The following ALDH1A2 variants were observed in gnomAD, a reference collection of about 807,000 sequenced individuals.
The protein encoded by ALDH1A2 is aldehyde dehydrogenase 1 family member A2, also known as retinal dehydrogenase 2.
In ALDH1A2, 27 loss-of-function variants were observed where a neutral mutation model predicts 60.3. That is an observed-to-expected ratio of 0.45 (90% CI 0.33 to 0.62). ALDH1A2 has a LOEUF of 0.62. Ranked by LOEUF, ALDH1A2 falls within the 20% of genes least tolerant of loss-of-function variation. The pLI is 0.02. For missense variants in ALDH1A2, 581 were observed against 643.8 expected, an observed-to-expected ratio of 0.90 and a Z score of 1.06; for synonymous variants, 289 against 232.4, an observed-to-expected ratio of 1.24 and a Z score of -2.21.
rs553956947 is a variant in ALDH1A2, at chr15:58,028,236, G to A, written c.118-13955C>T. Among the ~76,000 whole-genome samples, 43 of 152,214 alleles carry A rather than the reference G, an allele frequency of 2.8e-4. No individual in the cohort carries two copies. The South Asian group carries it at 5.4e-3, about 19-fold the overall frequency. On this transcript the variant is annotated intron_variant, in intron 1 of 12. Transcript: ENST00000249750. Reference sequence around the variant, plus strand: ...GCTCTAAAAGCCAGAAGAGAGTGGGGGCCAATATTCAACATTCTTAAAGAA... The same window carrying A: ...GCTCTAAAAGCCAGAAGAGAGTGGGAGCCAATATTCAACATTCTTAAAGAA...
chr15:58,030,023 T>C (rs1896190023), intron 1 of ALDH1A2, among the ~76,000 whole-genome samples: 1 of 152,192 alleles, frequency 6.6e-6, no homozygotes. Flanking sequence ...GAGGGAATCC[T>C]CCCTAACTCA....
At chr15:58,043,474 C>A (rs1896566989) in intron 1 of ALDH1A2, among the ~76,000 whole-genome samples, 2 of 151,960 alleles carry the variant, frequency 1.3e-5, no homozygotes, top group Non-Finnish European at 2.9e-5. Context: ...TGTTCCTTCT[C>A]TAAAGAGTGT....
intron 1 of ALDH1A2, among the ~76,000 whole-genome samples, chr15:58,043,335 C>T (rs1896563112): frequency 6.6e-6 from 1 of 151,984 alleles, no homozygotes; most frequent in Non-Finnish European, 1.5e-5. Flanking sequence ...AAATCTATTG[C>T]CATCCCTTAC....
At chr15:58,036,263 A>C (rs1896375020) in intron 1 of ALDH1A2, among the ~76,000 whole-genome samples, 1 of 151,632 alleles carries the variant, frequency 6.6e-6, no homozygotes, top group African/African-American at 2.4e-5. Flanking sequence ...ACTATCAACA[A>C]ATCACTGGAA....
chr15:57,980,059 G>A, intron 7 of ALDH1A2: 1 of 314,738 alleles, frequency 3.2e-6, no homozygotes, highest in Admixed American at 3.5e-5. Context: ...GGGGCAGGAT[G>A]TGATTCTTGG....
intron 3 of ALDH1A2, 90 bp from the exon 4 acceptor site, chr15:58,010,868 G>A: frequency 6.7e-7 from 1 of 1,501,860 alleles, no homozygotes; most frequent in East Asian, 2.3e-5. Flanking sequence ...GGAAGAGAGA[G>A]AATACAAATG....
intron 1 of ALDH1A2, among the ~76,000 whole-genome samples, chr15:58,062,441 G>C (rs1311880465): frequency 6.6e-6 from 1 of 152,156 alleles, no homozygotes; most frequent in Non-Finnish European, 1.5e-5. Flanking sequence ...TGCAGTCAGG[G>C]GCGGTCAGTA....
intron 12 of ALDH1A2, among the ~76,000 whole-genome samples, chr15:57,958,652 G>A (rs1461130980): frequency 6.6e-6 from 1 of 152,194 alleles, no homozygotes; most frequent in Non-Finnish European, 1.5e-5. Flanking sequence ...TGCAGGCCAT[G>A]AGATAAATAA....
chr15:57,977,192 T>C (rs1216517582), intron 7 of ALDH1A2, among the ~76,000 whole-genome samples: 2 of 152,074 alleles, frequency 1.3e-5, no homozygotes, highest in African/African-American at 4.8e-5. Context: ...TTTGTCCCAC[T>C]CTGTAGGTTG....
chr15:58,058,212 C>A (rs574811942), intron 1 of ALDH1A2: 1 of 689,148 alleles, frequency 1.5e-6, no homozygotes. Context: ...CACCTGAAAT[C>A]GTGCCACTAT....
intron 12 of ALDH1A2, among the ~76,000 whole-genome samples, chr15:57,959,197 A>G (rs1893640221): frequency 6.6e-6 from 1 of 152,184 alleles, no homozygotes; most frequent in Admixed American, 6.5e-5. Flanking sequence ...CTGTAACAAA[A>G]CAATCAATGC....
rs781397244 is a variant in ALDH1A2, at chr15:57,973,139, ATTGT to A, written c.799-7316_799-7313del. 5.3e-5 allele frequency among the ~76,000 whole-genome samples: 8 copies of A among 152,326 alleles called. No homozygotes were observed. The South Asian group carries it at 1.2e-3, about 24-fold the overall frequency. ...CTATCTTGCTGCTAATGATGAGATCATTGTTTGTTAACCTGAGTAAAGAAAACAC... is the reference window on the plus strand; with the variant it reads ...CTATCTTGCTGCTAATGATGAGATCATTGTTAACCTGAGTAAAGAAAACAC... On this transcript the variant is annotated intron_variant, in intron 7 of 12. Transcript: ENST00000249750.
At chr15:57,989,586 T>G (rs528448825) in intron 7 of ALDH1A2, among the ~76,000 whole-genome samples, 3 of 152,144 alleles carry the variant, frequency 2.0e-5, no homozygotes, top group African/African-American at 7.2e-5. Context: ...AAAACAGAAA[T>G]TTCCTGTATA....
intron 4 of ALDH1A2, among the ~76,000 whole-genome samples, chr15:58,009,241 CCT>C (rs1314968968): frequency 2.0e-5 from 3 of 151,988 alleles, no homozygotes; most frequent in African/African-American, 2.4e-5. Flanking sequence ...TCTGCTGCAT[CCT>C]CTCCTTGCTA....
chr15:58,060,782 CCA>C (rs1202877776), intron 1 of ALDH1A2, among the ~76,000 whole-genome samples: 1 of 152,076 alleles, frequency 6.6e-6, no homozygotes. Context: ...GGCAGACAGT[CCA>C]CAGTTTGCTG....
At chr15:58,059,312 T>A (rs1399302523) in intron 1 of ALDH1A2, among the ~76,000 whole-genome samples, 1 of 152,152 alleles carries the variant, frequency 6.6e-6, no homozygotes, top group African/African-American at 2.4e-5. Context: ...TCACAGTCAA[T>A]AAAGAAATTA....
intron 7 of ALDH1A2, among the ~76,000 whole-genome samples, chr15:57,985,713 T>C (rs1894677212): frequency 6.6e-6 from 1 of 152,166 alleles, no homozygotes; most frequent in Non-Finnish European, 1.5e-5. Context: ...ATACATAAGA[T>C]ACTATTTGAG....
intron 1 of ALDH1A2, among the ~76,000 whole-genome samples, chr15:58,033,182 A>C (rs369553192): frequency 1.3e-4 from 20 of 152,182 alleles, no homozygotes; most frequent in African/African-American, 4.1e-4. Flanking sequence ...CTTGATTACC[A>C]CATTATATTC....
chr15:57,989,794 C>T (rs1267897826), intron 7 of ALDH1A2, among the ~76,000 whole-genome samples: 1 of 152,112 alleles, frequency 6.6e-6, no homozygotes, highest in African/African-American at 2.4e-5. Flanking sequence ...ACAACCCTCA[C>T]CTTTCATTAT....
Sources: gnomAD v4.1 joint callset for allele counts (sites outside exome capture counted in the v4.1 genomes callset) on GRCh38, gnomAD v4.1.1 for gene constraint, MANE v1.5 for transcripts, NCBI Gene and HGNC (gene_info 2026-07-23, HGNC 2026-07-21) for gene names.